Variants in SYT16 observed in about 807,000 individuals in gnomAD.
The protein encoded by SYT16 is synaptotagmin-16.
A neutral mutation model predicts 61.4 loss-of-function variants in SYT16; 42 were observed. The observed-to-expected ratio is 0.68, with a 90% CI of 0.53 to 0.89. SYT16 has a LOEUF of 0.89. Ranked by LOEUF, SYT16 falls within the 40% of genes least tolerant of loss-of-function variation. The pLI is 0.00. For synonymous variants in SYT16, 314 were observed against 302.3 expected (o/e 1.04, Z -0.40); for missense variants, 804 against 807.3 (o/e 1.00, Z 0.05).
chr14:61,919,216 C>T (rs1393893867), intron 1 of SYT16, among the ~76,000 whole-genome samples: 1 of 152,198 alleles, frequency 6.6e-6, no homozygotes, highest in Non-Finnish European at 1.5e-5. Flanking sequence ...GTTCCCTACC[C>T]TGTCCCATTT....
At chr14:61,814,730 A>C (rs945844545) in intron 1 of SYT16, among the ~76,000 whole-genome samples, 37 of 152,372 alleles carry the variant, frequency 2.4e-4, no homozygotes, top group African/African-American at 8.9e-4. Flanking sequence ...AAAGGTTTCC[A>C]AACTGTGGAG....
chr14:61,872,910 C>T (rs2047374256), intron 1 of SYT16, among the ~76,000 whole-genome samples: 1 of 152,138 alleles, frequency 6.6e-6, no homozygotes. Context: ...ATTCATTAAT[C>T]TTTTCTGGTA....
intron 3 of SYT16, among the ~76,000 whole-genome samples, chr14:62,056,730 A>T (rs35366152): frequency 0.27 from 40,631 of 151,988 alleles, 9,045 homozygotes; most frequent in African/African-American, 0.61. Flanking sequence ...CCAAATACCC[A>T]TTCAGGCTCC....
At chr14:61,919,395 C>A (rs1334151960) in intron 1 of SYT16, among the ~76,000 whole-genome samples, 1 of 152,224 alleles carries the variant, frequency 6.6e-6, no homozygotes, top group Admixed American at 6.5e-5. Context: ...TATTATCATG[C>A]AGTTTGTGGT....
chr14:61,910,487 C>T (rs1470301313), intron 1 of SYT16, among the ~76,000 whole-genome samples: 2 of 135,978 alleles, frequency 1.5e-5, no homozygotes, highest in African/African-American at 3.7e-5. Flanking sequence ...GATCCACCTG[C>T]CTTGGCCTCC....
At chr14:62,084,564 T>C (rs886137055) in intron 7 of SYT16, among the ~76,000 whole-genome samples, 179 bp downstream of exon 7, 18 of 152,272 alleles carry the variant, frequency 1.2e-4, no homozygotes, top group Non-Finnish European at 2.2e-4. Flanking sequence ...ATTAGACTTC[T>C]TTGCTATCTA....
At chr14:62,068,767 C>T (rs532754380) in intron 3 of SYT16, among the ~76,000 whole-genome samples, 5 of 152,204 alleles carry the variant, frequency 3.3e-5, no homozygotes, top group Admixed American at 6.5e-5. Flanking sequence ...TTAAAACACA[C>T]ACACACACAC....
intron 7 of SYT16, among the ~76,000 whole-genome samples, chr14:62,085,594 G>T (rs906877181): frequency 6.6e-6 from 1 of 152,176 alleles, no homozygotes; most frequent in Non-Finnish European, 1.5e-5. Flanking sequence ...CTGAATCTGG[G>T]CTCTCACTCT....
At chr14:62,036,222 G>A (rs2054499868) in intron 3 of SYT16, among the ~76,000 whole-genome samples, 2 of 152,070 alleles carry the variant, frequency 1.3e-5, no homozygotes, top group Non-Finnish European at 2.9e-5. Context: ...TGAAGAATGA[G>A]TTAAAGTTGG....
chr14:61,881,330 A>G (rs2047690397), intron 1 of SYT16, among the ~76,000 whole-genome samples: 1 of 152,242 alleles, frequency 6.6e-6, no homozygotes, highest in South Asian at 2.1e-4. Flanking sequence ...CCTTTTGAAT[A>G]AAAGTCCTAT....
rs59798244 is a variant in SYT16, at chr14:61,947,267, C to CGTGTGTGTGTGTGT, written c.-324-22834_-324-22821dup. Among the ~76,000 whole-genome samples the CGTGTGTGTGTGTGT allele has an allele frequency of 7.4e-3, 927 of 125,842 alleles. 14 individuals are homozygous for CGTGTGTGTGTGTGT. Among genetic ancestry groups the CGTGTGTGTGTGTGT allele is most frequent in the Admixed American group, 0.02 (245 of 12,150 alleles). The allele number at this position is 125,842 out of a possible 152,430, so 82.6% of individuals were successfully genotyped here. A position where few individuals can be genotyped will look rare whatever the true frequency, so the allele number is the denominator to read the frequency against. On this transcript the variant is annotated intron_variant, in intron 1 of 7. Coordinates refer to ENST00000683842, the MANE Select transcript of SYT16 (RefSeq NM_001367656.1). ...CTTTTGGCCTCTGACTTTAGTCCTTCGTGTGTGTGTGTGTGTGTGTGTGTG... is the reference window on the plus strand; with the variant it reads ...CTTTTGGCCTCTGACTTTAGTCCTTCGTGTGTGTGTGTGTGTGTGTGTGTGTGTGTGTGTGTGTG...
At chr14:61,882,168 A>T (rs971532573) in intron 1 of SYT16, among the ~76,000 whole-genome samples, 4 of 152,234 alleles carry the variant, frequency 2.6e-5, no homozygotes, top group Non-Finnish European at 5.9e-5. Context: ...CATATGGCAG[A>T]CATTGTGCCA....
intron 3 of SYT16, among the ~76,000 whole-genome samples, chr14:62,047,923 C>T (rs763905440): frequency 1.3e-5 from 2 of 152,022 alleles, no homozygotes; most frequent in Non-Finnish European, 2.9e-5. Flanking sequence ...CAAGGATATT[C>T]GTCTAAAATT....
intron 1 of SYT16, among the ~76,000 whole-genome samples, chr14:61,868,925 T>A: frequency 6.6e-6 from 1 of 152,124 alleles, no homozygotes; most frequent in Non-Finnish European, 1.5e-5. Context: ...ACATTTATCC[T>A]TCTAATTCCA....
intron 1 of SYT16, among the ~76,000 whole-genome samples, chr14:61,900,349 G>A (rs890443420): frequency 1.3e-5 from 2 of 152,060 alleles, no homozygotes; most frequent in Non-Finnish European, 2.9e-5. Flanking sequence ...GTAGAGACGG[G>A]GCTTTGCCAT....
At chr14:62,084,503 C>A in intron 7 of SYT16, 118 bp downstream of exon 7, 1 of 1,123,218 alleles carries the variant, frequency 8.9e-7, no homozygotes, top group Non-Finnish European at 1.2e-6. Context: ...ATGGCTTAAG[C>A]AAGCTTTCAC....
At chr14:61,862,419 T>A (rs2046992528) in intron 1 of SYT16, among the ~76,000 whole-genome samples, 1 of 152,218 alleles carries the variant, frequency 6.6e-6, no homozygotes, top group Non-Finnish European at 1.5e-5. Flanking sequence ...GCTTTGGAGA[T>A]TCATCATTGT....
intron 3 of SYT16, among the ~76,000 whole-genome samples, chr14:62,033,896 G>C (rs1421615094): frequency 6.6e-6 from 1 of 151,970 alleles, no homozygotes. Flanking sequence ...TGCTGAAAAT[G>C]ATACGATGAG....
At position 62,069,806 on chromosome 14, in the gene SYT16, G is replaced by A; in HGVS notation, c.727G>A (p.Ala243Thr). 1 of 1,613,800 alleles carries A rather than the reference G, an allele frequency of 6.2e-7. No homozygotes were observed. The highest frequency in any genetic ancestry group is 1.3e-5 in the African/African-American group (1 of 75,060). ...CGGAGAAGATGGCACAGAAGTATCT[G>A]CCTGCGAAGGTATCCTTTGCCTCAC... ...THGEDGTEVS[A>T]CEDLDGASQR... is the part of the protein sequence containing the mutation. Residue 243 changes from alanine (A) to threonine (T), a missense_variant, in exon 4 of 8, where the codon GCC (alanine) becomes ACC (threonine). Coordinates refer to ENST00000683842, the MANE Select transcript of SYT16 (RefSeq NM_001367656.1).
Sources: gnomAD v4.1 joint callset for allele counts (sites outside exome capture counted in the v4.1 genomes callset) on GRCh38, gnomAD v4.1.1 for gene constraint, MANE v1.5 for transcripts, NCBI Gene and HGNC (gene_info 2026-07-23, HGNC 2026-07-21) for gene names.